Variants in KCNT2 observed in about 807,000 individuals in gnomAD.
The protein encoded by KCNT2 is potassium sodium-activated channel subfamily T member 2.
Under a neutral mutation model 153.8 loss-of-function variants are expected in KCNT2, and 67 were observed. That is an observed-to-expected ratio of 0.44 (90% CI 0.36 to 0.53). KCNT2 has a LOEUF of 0.53. Among genes scored for constraint, KCNT2 ranks in the 20% least tolerant of loss-of-function variants. The pLI, the probability that KCNT2 is intolerant of heterozygous loss-of-function variation, is 0.00. For missense variants in KCNT2, 975 were observed against 1,354.8 expected (o/e 0.72, Z 4.40); for synonymous variants, 500 against 458.8 (o/e 1.09, Z -1.15).
chr1:196,469,928 A>T (rs1677943903), intron 5 of KCNT2, among the ~76,000 whole-genome samples: 1 of 152,180 alleles, frequency 6.6e-6, no homozygotes, highest in Non-Finnish European at 1.5e-5. Context: ...ATCCATTATA[A>T]CACTGACTAT....
chr1:196,592,901 A>C (rs1250918751), intron 1 of KCNT2, among the ~76,000 whole-genome samples: 2 of 150,030 alleles, frequency 1.3e-5, no homozygotes, highest in African/African-American at 4.9e-5. Flanking sequence ...TTTTTAAGAA[A>C]ATTTAATAAA....
intron 21 of KCNT2, among the ~76,000 whole-genome samples, chr1:196,310,251 G>T (rs952561848): frequency 1.3e-5 from 2 of 151,806 alleles, no homozygotes; most frequent in Admixed American, 6.6e-5. Context: ...TTAACAGGGG[G>T]TATACATTAA....
chr1:196,450,583 A>C (rs1463321079), intron 8 of KCNT2, among the ~76,000 whole-genome samples: 5 of 151,642 alleles, frequency 3.3e-5, no homozygotes, highest in African/African-American at 4.8e-5. Flanking sequence ...TTTTGTCCTC[A>C]CACCTTATAT....
At chr1:196,532,221 A>C (rs1287849200) in intron 1 of KCNT2, among the ~76,000 whole-genome samples, 1 of 152,106 alleles carries the variant, frequency 6.6e-6, no homozygotes, top group African/African-American at 2.4e-5. Context: ...ATAACAGTAC[A>C]TGCTGCCAGG....
At chr1:196,574,085 CTTAA>C (rs1661085592) in intron 1 of KCNT2, among the ~76,000 whole-genome samples, 1 of 151,764 alleles carries the variant, frequency 6.6e-6, no homozygotes, top group African/African-American at 2.4e-5. Flanking sequence ...GTTACATGGT[CTTAA>C]TTAAATCATT....
intron 25 of KCNT2, among the ~76,000 whole-genome samples, chr1:196,260,522 T>C (rs925567461): frequency 6.6e-6 from 1 of 151,858 alleles, no homozygotes; most frequent in Admixed American, 6.6e-5. Context: ...CATAAAAATC[T>C]GTAAGAATCT....
intron 23 of KCNT2, among the ~76,000 whole-genome samples, chr1:196,284,584 A>C (rs980162648): frequency 2.0e-5 from 3 of 151,850 alleles, no homozygotes; most frequent in African/African-American, 7.3e-5. Context: ...TCTTCAAATA[A>C]ACCATCCCCT....
intron 13 of KCNT2, among the ~76,000 whole-genome samples, chr1:196,397,796 GCTGACA>G (rs1165389122): frequency 8.6e-5 from 13 of 151,366 alleles, no homozygotes; most frequent in African/African-American, 3.1e-4. Context: ...AATACGTTTT[GCTGACA>G]CATTGCTAAA....
At chr1:196,366,834 A>G (rs999896860) in intron 14 of KCNT2, among the ~76,000 whole-genome samples, 1 of 152,218 alleles carries the variant, frequency 6.6e-6, no homozygotes, top group African/African-American at 2.4e-5. Flanking sequence ...TCATTCTGTC[A>G]CACAGTGAAT....
chr1:196,570,696 G>C (rs980055189), intron 1 of KCNT2, among the ~76,000 whole-genome samples: 1 of 151,972 alleles, frequency 6.6e-6, no homozygotes, highest in African/African-American at 2.4e-5. Flanking sequence ...GAACATAATG[G>C]GGATGCCTAG....
At chr1:196,247,702 A>T (rs566971613) in intron 26 of KCNT2, among the ~76,000 whole-genome samples, 84 of 152,176 alleles carry the variant, frequency 5.5e-4, no homozygotes, top group Non-Finnish European at 8.7e-4. Flanking sequence ...AACAGCATAG[A>T]AGTAACCACC....
chr1:196,339,929 G>A (rs764974015), intron 16 of KCNT2, among the ~76,000 whole-genome samples: 3 of 151,588 alleles, frequency 2.0e-5, no homozygotes, highest in Admixed American at 2.0e-4. Flanking sequence ...ATTACAAAGA[G>A]AACTTACAAA....
At chr1:196,485,396 T>C (rs1303145889) in intron 3 of KCNT2, among the ~76,000 whole-genome samples, 1 of 152,016 alleles carries the variant, frequency 6.6e-6, no homozygotes, top group Non-Finnish European at 1.5e-5. Flanking sequence ...AAATTAATAC[T>C]TTCCTAAAGG....
At chr1:196,600,192 T>C (rs534157713) in intron 1 of KCNT2, among the ~76,000 whole-genome samples, 1 of 152,200 alleles carries the variant, frequency 6.6e-6, no homozygotes, top group South Asian at 2.1e-4. Context: ...TCACGGTGTT[T>C]TCTGGCCTCC....
chr1:196,568,802 G>T (rs1409708081), intron 1 of KCNT2, among the ~76,000 whole-genome samples: 1 of 149,884 alleles, frequency 6.7e-6, no homozygotes, highest in Non-Finnish European at 1.5e-5. Context: ...TTCTCTCCAG[G>T]TTCCAACATA....
chr1:196,568,326 G>A lies in KCNT2; in HGVS notation c.95+39889C>T, dbSNP rs116408997. On this transcript the variant is annotated intron_variant, in intron 1 of 27. Coordinates refer to ENST00000294725, the MANE Select transcript of KCNT2 (RefSeq NM_198503.5). The stretch of plus-strand genomic sequence containing the variant: ...CTAATGCCACATGGCCAGGACGGTG[G>A]CTCACATCTGTAATCCCAGCACTTT... 3.5e-3 allele frequency among the ~76,000 whole-genome samples: 533 copies of A among 152,160 alleles called. 1 individual carries two copies. Among genetic ancestry groups the A allele is most frequent in the Non-Finnish European group, 6.2e-3 (424 of 67,994 alleles).
intron 20 of KCNT2, among the ~76,000 whole-genome samples, chr1:196,318,579 A>T (rs1662967148): frequency 6.6e-6 from 1 of 151,804 alleles, no homozygotes; most frequent in Non-Finnish European, 1.5e-5. Context: ...AAAAAAGATG[A>T]TTGGTTATAA....
chr1:196,568,595 CAA>C (rs34667117), intron 1 of KCNT2, among the ~76,000 whole-genome samples: 9 of 118,810 alleles, frequency 7.6e-5, no homozygotes, highest in Admixed American at 1.7e-4. Context: ...GACTCCGTCT[CAA>C]AAAAAAAAAA....
chr1:196,407,876 T>C (rs1432440565), intron 12 of KCNT2, among the ~76,000 whole-genome samples: 1 of 151,504 alleles, frequency 6.6e-6, no homozygotes, highest in African/African-American at 2.4e-5. Context: ...GTTACAACTT[T>C]AAAGCCTTGG....
Sources: allele counts gnomAD v4.1 joint callset (sites outside exome capture counted in the v4.1 genomes callset), GRCh38; gene constraint gnomAD v4.1.1; transcripts MANE v1.5; gene names NCBI Gene and HGNC (gene_info 2026-07-23, HGNC 2026-07-21).